The following HSF2BP variants were observed in gnomAD, a reference collection of about 807,000 sequenced individuals.
HSF2BP encodes the protein heat shock factor 2-binding protein.
In HSF2BP, 35 loss-of-function variants were observed where a neutral mutation model predicts 35.0. That is an observed-to-expected ratio of 1.00 (90% CI 0.76 to 1.32). The LOEUF (loss-of-function observed/expected upper bound fraction) is 1.32. Among genes scored for constraint, HSF2BP ranks in the 40% most tolerant of loss-of-function variants. The pLI is 0.00. For missense variants in HSF2BP, 326 were observed against 321.7 expected, an observed-to-expected ratio of 1.01 and a Z score of -0.10; for synonymous variants, 114 against 117.4, an observed-to-expected ratio of 0.97 and a Z score of 0.18.
At chr21:43,654,121 A>C (rs1480139812) in intron 3 of HSF2BP, among the ~76,000 whole-genome samples, 1 of 152,184 alleles carries the variant, frequency 6.6e-6, no homozygotes, top group Non-Finnish European at 1.5e-5. Context: ...AACAGAAAAT[A>C]TCTCTCAAAG....
At chr21:43,608,415 G>A (rs1174061964) in intron 7 of HSF2BP, among the ~76,000 whole-genome samples, 2 of 152,058 alleles carry the variant, frequency 1.3e-5, no homozygotes, top group Admixed American at 6.6e-5. Context: ...TCTCACACCA[G>A]TCAAAATGGC....
At chr21:43,649,242 G>T (rs961824830) in intron 3 of HSF2BP, among the ~76,000 whole-genome samples, 9 of 151,202 alleles carry the variant, frequency 6.0e-5, no homozygotes, top group African/African-American at 9.7e-5. Flanking sequence ...TCAGTTTGGG[G>T]TTTTTTTTAT....
chr21:43,624,323 C>T (rs2082364945), intron 6 of HSF2BP, among the ~76,000 whole-genome samples: 1 of 152,216 alleles, frequency 6.6e-6, no homozygotes, highest in South Asian at 2.1e-4. Context: ...CCTTATTCTT[C>T]CACATGCAGA....
chr21:43,658,236 T>C lies in HSF2BP; in HGVS notation c.-140A>G, dbSNP rs922077978. ...CCCAAACCTCCCAGAATTTGCGCAG[T>C]ATTCTCGGCCTAGAGAGCGAGGAGT... On this transcript the variant is annotated 5_prime_UTR_variant, in exon 2 of 9. The change creates a new upstream start codon in the 5' untranslated region. Transcript: ENST00000291560. The C allele has an allele frequency of 4.0e-6, 4 of 997,962 alleles. No individual in the cohort carries two copies. Among genetic ancestry groups the C allele is most frequent in the Non-Finnish European group, 5.6e-6 (4 of 708,882 alleles). 61.8% of individuals were successfully genotyped at this position (997,962 alleles called of 1,614,324 possible). A position where few individuals can be genotyped will look rare whatever the true frequency, so the allele number is the denominator to read the frequency against.
chr21:43,601,434 T>C (rs1277155820), intron 7 of HSF2BP, among the ~76,000 whole-genome samples: 2 of 152,262 alleles, frequency 1.3e-5, no homozygotes, highest in Non-Finnish European at 2.9e-5. Flanking sequence ...TTTTATTCTA[T>C]AAATTGCCTG....
intron 4 of HSF2BP, among the ~76,000 whole-genome samples, chr21:43,634,951 GTTC>G (rs1455628903): frequency 2.0e-5 from 3 of 152,064 alleles, no homozygotes; most frequent in Non-Finnish European, 4.4e-5. Flanking sequence ...GGATATGGTG[GTTC>G]TTCTGCACGA....
At chr21:43,636,665 G>T (rs1568932772) in intron 4 of HSF2BP, among the ~76,000 whole-genome samples, 1 of 152,124 alleles carries the variant, frequency 6.6e-6, no homozygotes, top group Non-Finnish European at 1.5e-5. Flanking sequence ...GCCGAGGCAG[G>T]CGGATCACTT....
intron 8 of HSF2BP, among the ~76,000 whole-genome samples, chr21:43,583,777 G>T (rs2081802096): frequency 8.2e-6 from 1 of 122,256 alleles, no homozygotes; most frequent in Admixed American, 8.2e-5. Context: ...GGAGATGAAG[G>T]GCCTGCTGAG....
intron 8 of HSF2BP, among the ~76,000 whole-genome samples, chr21:43,584,616 C>A (rs1310138846): frequency 6.6e-6 from 1 of 152,196 alleles, no homozygotes; most frequent in East Asian, 1.9e-4. Context: ...AAAATTAACT[C>A]TCTTAGGGAC....
intron 3 of HSF2BP, among the ~76,000 whole-genome samples, chr21:43,646,010 T>G: frequency 6.6e-6 from 1 of 152,100 alleles, no homozygotes; most frequent in Admixed American, 6.6e-5. Flanking sequence ...CTGGCAAAGC[T>G]TCTCATAAAA....
rs148445897 is a variant in HSF2BP, at chr21:43,638,065, T to G, written c.292-4644A>C. ...GAAATAAAAGGTATACAAAGCAGAA[T>G]GAAGAACTAGAACAGCCCCTATTTT... On this transcript the variant is annotated intron_variant, in intron 4 of 8. Transcript: ENST00000291560. 4.7e-3 allele frequency among the ~76,000 whole-genome samples: 714 copies of G among 152,226 alleles called. 3 individuals carry two copies. The highest frequency in any genetic ancestry group is 0.016 in the African/African-American group (668 of 41,534).
chr21:43,505,427 G>C, the HSF2BP span, among the ~76,000 whole-genome samples: 4 of 106,098 alleles, frequency 3.8e-5, 1 homozygote, highest in Non-Finnish European at 7.5e-5. Context: ...ACCGTGGCCA[G>C]AGCTGTGTGG....
chr21:43,595,582 C>T (rs961370136), intron 7 of HSF2BP, among the ~76,000 whole-genome samples: 3 of 151,920 alleles, frequency 2.0e-5, no homozygotes, highest in Admixed American at 6.6e-5. Flanking sequence ...CACTTGAGCC[C>T]AGGAGGTCGA....
At chr21:43,587,454 G>T (rs1486471739) in intron 8 of HSF2BP, among the ~76,000 whole-genome samples, 1 of 151,730 alleles carries the variant, frequency 6.6e-6, no homozygotes, top group Non-Finnish European at 1.5e-5. Flanking sequence ...TCACCTGAGG[G>T]CGGGAGTTCG....
At chr21:43,647,203 C>T (rs1259612938) in intron 3 of HSF2BP, among the ~76,000 whole-genome samples, 5 of 152,186 alleles carry the variant, frequency 3.3e-5, no homozygotes, top group African/African-American at 1.2e-4. Context: ...CAACCTAAAT[C>T]ATAGACCATT....
At chr21:43,642,121 A>C (rs1433737311) in intron 4 of HSF2BP, among the ~76,000 whole-genome samples, 1 of 152,048 alleles carries the variant, frequency 6.6e-6, no homozygotes, top group Non-Finnish European at 1.5e-5. Flanking sequence ...ACATAGTGAG[A>C]CCCCATCTCT....
At chr21:43,577,854 C>A (rs1193250705) in intron 8 of HSF2BP, among the ~76,000 whole-genome samples, 1 of 152,196 alleles carries the variant, frequency 6.6e-6, no homozygotes. Context: ...CCCTCCCTGC[C>A]CTTGCGATAA....
rs1005253436 is a variant in HSF2BP at position 43,658,213 on chromosome 21, C to G, written c.-117G>C. 4.1e-6 allele frequency: 5 copies of G among 1,215,412 alleles called. No individual in the cohort carries two copies. In the African/African-American group the frequency reaches 6.3e-5, roughly 15 times the overall value. The allele number at this position is 1,215,412 out of a possible 1,614,324, so 75.3% of individuals were successfully genotyped here. The stretch of plus-strand genomic sequence containing the variant: ...GTCGGGAACGGAGAGCCGCCAGGCC[C>G]AAACCTCCCAGAATTTGCGCAGTAT... On this transcript the variant is annotated 5_prime_UTR_variant, in exon 2 of 9. Coordinates refer to ENST00000291560, the MANE Select transcript of HSF2BP (RefSeq NM_007031.2).
chr21:43,505,876 G>A, the HSF2BP span, among the ~76,000 whole-genome samples: 1 of 132,640 alleles, frequency 7.5e-6, no homozygotes, highest in African/African-American at 2.8e-5. Context: ...TTGGGTTGTA[G>A]GTCTTTTTTC....
Sources: gnomAD v4.1 joint callset for allele counts (sites outside exome capture counted in the v4.1 genomes callset) on GRCh38, gnomAD v4.1.1 for gene constraint, MANE v1.5 for transcripts, NCBI Gene and HGNC (gene_info 2026-07-23, HGNC 2026-07-21) for gene names.